CNTNAP2: variants seen among roughly 807,000 people sequenced by gnomAD.
CNTNAP2 encodes the protein contactin-associated protein-like 2.
In CNTNAP2, 98 loss-of-function variants were observed where a neutral mutation model predicts 155.2. The ratio of observed to expected loss-of-function variants is 0.63; its 90% confidence interval spans 0.54 to 0.75. The LOEUF (loss-of-function observed/expected upper bound fraction) is 0.75. Ranked by LOEUF, CNTNAP2 falls within the 30% of genes least tolerant of loss-of-function variation. The pLI is 0.00. For synonymous variants in CNTNAP2, 651 were observed against 631.2 expected (o/e 1.03, Z -0.47); for missense variants, 1,727 against 1,688.1 (o/e 1.02, Z -0.40).
intron 11 of CNTNAP2, among the ~76,000 whole-genome samples, chr7:147,539,583 C>A (rs1265587510): frequency 6.6e-6 from 1 of 152,150 alleles, no homozygotes; most frequent in Non-Finnish European, 1.5e-5. Flanking sequence ...GTTTTTACCC[C>A]ATCATCACAA....
intron 2 of CNTNAP2, among the ~76,000 whole-genome samples, chr7:146,799,770 T>C (rs560550992): frequency 6.6e-6 from 1 of 152,338 alleles, no homozygotes; most frequent in East Asian, 1.9e-4. Context: ...TGTGTGATTT[T>C]TGTGCAAATT....
intron 14 of CNTNAP2, among the ~76,000 whole-genome samples, chr7:147,927,085 C>T (rs10244203): frequency 0.041 from 6,291 of 152,100 alleles, 412 homozygotes; most frequent in African/African-American, 0.14. Context: ...AAAACAATTG[C>T]GTATATTACA....
At chr7:147,590,173 A>T (rs1800710208) in intron 12 of CNTNAP2, among the ~76,000 whole-genome samples, 1 of 152,164 alleles carries the variant, frequency 6.6e-6, no homozygotes, top group Admixed American at 6.5e-5. Flanking sequence ...CAGACTGATT[A>T]CTTTTTCTTT....
chr7:148,304,318 C>T (rs1478986101), intron 21 of CNTNAP2, among the ~76,000 whole-genome samples: 1 of 152,104 alleles, frequency 6.6e-6, no homozygotes, highest in Non-Finnish European at 1.5e-5. Context: ...ATTAACACTT[C>T]TTTTTTACTT....
At chr7:146,365,787 G>T (rs192783821) in intron 1 of CNTNAP2, among the ~76,000 whole-genome samples, 1 of 152,240 alleles carries the variant, frequency 6.6e-6, no homozygotes, top group East Asian at 1.9e-4. Flanking sequence ...TTTGATATCT[G>T]CCATTAGATA....
intron 13 of CNTNAP2, among the ~76,000 whole-genome samples, chr7:147,775,395 A>T (rs1264104922): frequency 7.5e-5 from 8 of 107,170 alleles, no homozygotes; most frequent in African/African-American, 2.6e-4. Context: ...ATTTATAAAT[A>T]TATATATTTA....
chr7:146,943,421 G>A (rs1041915560), intron 3 of CNTNAP2, among the ~76,000 whole-genome samples: 59 of 152,180 alleles, frequency 3.9e-4, no homozygotes, highest in Admixed American at 3.9e-3. Context: ...AAACCTGGGA[G>A]ACAGAGGTTG....
At chr7:147,265,937 C>A (rs1804597550) in intron 8 of CNTNAP2, among the ~76,000 whole-genome samples, 1 of 152,104 alleles carries the variant, frequency 6.6e-6, no homozygotes, top group Non-Finnish European at 1.5e-5. Flanking sequence ...GAAAGAAAAA[C>A]AAAACAACAG....
At chr7:146,371,314 T>A (rs1169429492) in intron 1 of CNTNAP2, among the ~76,000 whole-genome samples, 1 of 151,610 alleles carries the variant, frequency 6.6e-6, no homozygotes, top group Non-Finnish European at 1.5e-5. Flanking sequence ...TACATATCTA[T>A]CCTTTTAAAC....
At chr7:148,022,715 T>G (rs201706614) in intron 15 of CNTNAP2, among the ~76,000 whole-genome samples, 2 of 15,650 alleles carry the variant, frequency 1.3e-4, no homozygotes, top group South Asian at 8.0e-4. Context: ...GTTTGGTTGG[T>G]TTTTTTTTGG....
At chr7:147,628,868 T>TAA (rs60644349) in intron 12 of CNTNAP2, among the ~76,000 whole-genome samples, 22,540 of 116,642 alleles carry the variant, frequency 0.19, 2,092 homozygotes, top group Middle Eastern at 0.23. Context: ...CAACAGCAGT[T>TAA]AAAAAAAAAA....
At chr7:147,000,844 C>T (rs1798408639) in intron 3 of CNTNAP2, among the ~76,000 whole-genome samples, 1 of 152,066 alleles carries the variant, frequency 6.6e-6, no homozygotes, top group Non-Finnish European at 1.5e-5. Flanking sequence ...ATTTAGAATC[C>T]AAGGCTGCTA....
chr7:147,242,695 G>A (rs533265423), intron 8 of CNTNAP2, among the ~76,000 whole-genome samples: 36 of 151,780 alleles, frequency 2.4e-4, no homozygotes, highest in Non-Finnish European at 3.2e-4. Flanking sequence ...TCTTTGACTC[G>A]CAATATACCC....
At chr7:147,238,714 G>A (rs1212386433) in intron 8 of CNTNAP2, among the ~76,000 whole-genome samples, 1 of 152,118 alleles carries the variant, frequency 6.6e-6, no homozygotes, top group African/African-American at 2.4e-5. Flanking sequence ...TCATTTAGAT[G>A]TATTTCCAGT....
At chr7:146,679,583 C>T (rs1421084149) in intron 1 of CNTNAP2, among the ~76,000 whole-genome samples, 1 of 152,008 alleles carries the variant, frequency 6.6e-6, no homozygotes, top group African/African-American at 2.4e-5. Flanking sequence ...TCTCGAACGC[C>T]TGACCTCATG....
At chr7:148,175,831 C>A (rs569558272) in intron 18 of CNTNAP2, among the ~76,000 whole-genome samples, 41 of 152,004 alleles carry the variant, frequency 2.7e-4, no homozygotes, top group Non-Finnish European at 5.9e-4. Context: ...CTCTCCTTCT[C>A]CCCCTCCTCC....
At chr7:147,718,828 A>C (rs369981373) in intron 13 of CNTNAP2, among the ~76,000 whole-genome samples, 2 of 152,138 alleles carry the variant, frequency 1.3e-5, no homozygotes, top group Admixed American at 1.3e-4. Context: ...GGCTTAATCT[A>C]ATTACATACA....
chr7:147,302,829 T>C (rs117755926), intron 9 of CNTNAP2, among the ~76,000 whole-genome samples: 2,741 of 152,306 alleles, frequency 0.018, 51 homozygotes, highest in Non-Finnish European at 0.027. Context: ...AGAAGGGAAG[T>C]CACAGGACAA....
intron 18 of CNTNAP2, among the ~76,000 whole-genome samples, chr7:148,176,027 C>A (rs1301006379): frequency 1.3e-5 from 2 of 152,038 alleles, no homozygotes; most frequent in Admixed American, 1.3e-4. Flanking sequence ...AGTGAAATTA[C>A]CGTGTCTTGT....
Sources: gnomAD v4.1 joint callset for allele counts (sites outside exome capture counted in the v4.1 genomes callset) on GRCh38, gnomAD v4.1.1 for gene constraint, MANE v1.5 for transcripts, NCBI Gene and HGNC (gene_info 2026-07-23, HGNC 2026-07-21) for gene names.